Variants in FREM1 observed in about 807,000 individuals in gnomAD.
FREM1 encodes FRAS1 related extracellular matrix 1.
FREM1 carries 220 observed loss-of-function variants against 210.1 expected under a neutral mutation model. That is an observed-to-expected ratio of 1.05 (90% confidence interval 0.94 to 1.17). The LOEUF (loss-of-function observed/expected upper bound fraction) is 1.17. Ranked by LOEUF, FREM1 falls within the 50% of genes most tolerant of loss-of-function variation. The pLI is 0.00. For synonymous variants in FREM1, 1,189 were observed against 980.2 expected (o/e 1.21, Z -3.98); for missense variants, 3,454 against 2,675.5 (o/e 1.29, Z -6.42).
At chr9:14,799,237 G>A (rs1853056948) in intron 20 of FREM1, among the ~76,000 whole-genome samples, 1 of 151,540 alleles carries the variant, frequency 6.6e-6, no homozygotes, top group Non-Finnish European at 1.5e-5. Context: ...AGTGAACTGT[G>A]ATTGCACAAC....
chr9:14,765,075 T>C (rs1042378854), intron 27 of FREM1, among the ~76,000 whole-genome samples: 1 of 152,232 alleles, frequency 6.6e-6, no homozygotes, highest in South Asian at 2.1e-4. Context: ...GCTAAAATTG[T>C]GATTAAATTA....
chr9:14,789,090 A>T lies in FREM1; in HGVS notation c.4006T>A (p.Ser1336Thr). 1 of 1,598,004 alleles carries T rather than the reference A, an allele frequency of 6.3e-7. No individual in the cohort carries two copies. The highest frequency in any genetic ancestry group is 1.3e-5 in the African/African-American group (1 of 74,772). ...LKIGRDWVPL[S>T]PGMKCTQEEV... ...TCCTGAGTGCATTTCATGCCAGGGGAGAGAGGAACCCAGTCCCTCCCTATC... is the reference window on the plus strand; with the variant it reads ...TCCTGAGTGCATTTCATGCCAGGGGTGAGAGGAACCCAGTCCCTCCCTATC... The change falls in exon 23 of 37, where the codon TCC becomes ACC. Residue 1336 changes from serine (S) to threonine (T), a missense_variant. Ser to Thr is a moderately conservative substitution (Grantham distance 58, BLOSUM62 1). Coordinates refer to ENST00000380880, the MANE Select transcript of FREM1 (RefSeq NM_001379081.2).
chr9:14,793,981 G>C (rs1181067124), intron 21 of FREM1, among the ~76,000 whole-genome samples: 4 of 152,200 alleles, frequency 2.6e-5, no homozygotes. Context: ...ATGGAGATTA[G>C]TGGTCAGACA....
intron 1 of FREM1, among the ~76,000 whole-genome samples, chr9:14,891,487 G>A (rs1319004757): frequency 6.6e-6 from 1 of 152,234 alleles, no homozygotes; most frequent in African/African-American, 2.4e-5. Context: ...AGCAACTGGG[G>A]AGGCTGAGGC....
chr9:14,829,871 A>C (rs1823213715), intron 10 of FREM1, among the ~76,000 whole-genome samples: 1 of 152,116 alleles, frequency 6.6e-6, no homozygotes. Context: ...TCCAGGAGAG[A>C]GTAATATTAG....
chr9:14,774,890 C>T (rs79539704), intron 25 of FREM1, among the ~76,000 whole-genome samples: 1 of 152,138 alleles, frequency 6.6e-6, no homozygotes. Context: ...CTTGTACCCT[C>T]ATCTATAAAA....
intron 1 of FREM1, among the ~76,000 whole-genome samples, chr9:14,903,623 A>C (rs1303323006): frequency 6.6e-6 from 1 of 152,152 alleles, no homozygotes; most frequent in African/African-American, 2.4e-5. Context: ...ATTTAAACCC[A>C]TCACAGGGCA....
At chr9:14,873,372 TC>T (rs1472988854) in intron 1 of FREM1, among the ~76,000 whole-genome samples, 7 of 152,208 alleles carry the variant, frequency 4.6e-5, no homozygotes, top group Non-Finnish European at 1.0e-4. Flanking sequence ...ATTCAGAGAT[TC>T]AACTTCTTCC....
At chr9:14,762,669 CCAGG>C (rs2132317977) in intron 27 of FREM1, among the ~76,000 whole-genome samples, 1 of 151,506 alleles carries the variant, frequency 6.6e-6, no homozygotes, top group South Asian at 2.1e-4. Flanking sequence ...GAAATTTAAG[CCAGG>C]CTATATATTT....
chr9:14,906,453 C>T (rs1018735484), intron 1 of FREM1, among the ~76,000 whole-genome samples: 1 of 152,112 alleles, frequency 6.6e-6, no homozygotes, highest in African/African-American at 2.4e-5. Context: ...TAAAGTATTG[C>T]TGTTGTGTTG....
intron 30 of FREM1, among the ~76,000 whole-genome samples, chr9:14,748,875 A>C (rs1189395654): frequency 6.6e-6 from 1 of 152,202 alleles, no homozygotes; most frequent in African/African-American, 2.4e-5. Flanking sequence ...AATCAATTTC[A>C]TAAACCCCAA....
Position 14,746,345 on chromosome 9 carries a change from T to C in FREM1, c.6254+8A>G. Reference sequence around the variant, plus strand: ...AACACCAATCAAATGTGCAATAGGGTGCCTTACTGTTCCCTGCAAGCTTGG... The same window carrying C: ...AACACCAATCAAATGTGCAATAGGGCGCCTTACTGTTCCCTGCAAGCTTGG... On this transcript the variant is annotated splice_region_variant and intron_variant, in intron 35 of 36. Transcript: ENST00000380880. 6.3e-7 allele frequency: 1 copy of C among 1,588,602 alleles called. No individual in the cohort carries two copies. Among genetic ancestry groups the C allele is most frequent in the African/African-American group, 1.3e-5 (1 of 74,480 alleles).
intron 10 of FREM1, among the ~76,000 whole-genome samples, chr9:14,827,296 G>C (rs971534494): frequency 4.6e-5 from 7 of 152,186 alleles, no homozygotes; most frequent in Non-Finnish European, 1.0e-4. Context: ...TATCTTATTG[G>C]AAACTGGAAG....
rs940990728 is a variant in FREM1 at position 14,836,112 on chromosome 9, A to G, written c.1881+5335T>C. 2.0e-5 allele frequency among the ~76,000 whole-genome samples: 3 copies of G among 152,252 alleles called. No homozygotes were observed. The highest frequency in any genetic ancestry group is 7.2e-5 in the African/African-American group (3 of 41,478). On this transcript the variant is annotated intron_variant, in intron 10 of 36. Transcript: ENST00000380880. The surrounding 1 kb of genome is among the most constrained non-coding windows in gnomAD (Gnocchi z 4.9). The stretch of plus-strand genomic sequence containing the variant: ...TTTCTTTGTTTGGGAAAATAAAACC[A>G]AGGAACTTCATAGACCCCCAAAGGG...
At chr9:14,863,431 AAAG>A (rs1186946910) in intron 3 of FREM1, among the ~76,000 whole-genome samples, 2 of 152,196 alleles carry the variant, frequency 1.3e-5, no homozygotes, top group African/African-American at 4.8e-5. Flanking sequence ...TGGTAACAAA[AAAG>A]AAGAATTTCA....
intron 4 of FREM1, among the ~76,000 whole-genome samples, chr9:14,858,664 G>C (rs142030744): frequency 6.6e-6 from 1 of 152,232 alleles, no homozygotes; most frequent in South Asian, 2.1e-4. Flanking sequence ...AGAACAGGAG[G>C]TGCCCAAAAT....
intron 1 of FREM1, among the ~76,000 whole-genome samples, chr9:14,876,787 T>G (rs1483866437): frequency 6.6e-6 from 1 of 152,186 alleles, no homozygotes; most frequent in Non-Finnish European, 1.5e-5. Flanking sequence ...CGCTAGGAGC[T>G]ATAGACTGGA....
intron 10 of FREM1, among the ~76,000 whole-genome samples, chr9:14,831,427 A>C (rs1418220853): frequency 6.6e-6 from 1 of 152,216 alleles, no homozygotes; most frequent in Admixed American, 6.5e-5. Context: ...CTGTGAATGG[A>C]AAGTTTCTGC....
rs1216440019 is a variant in FREM1, at chr9:14,842,496, T to A, written c.1558A>T (p.Ser520Cys). Reference protein sequence around the residue: ...FPINVLPKDDSPPFLITNVVI... With the variant: ...FPINVLPKDDCPPFLITNVVI... The stretch of plus-strand genomic sequence containing the variant: ...ACATTGGTTATGAGGAACGGGGGAC[T>A]ATCATCTTTGGGCAAGACGTTGATG... Residue 520 changes from serine to cysteine, a missense_variant, in exon 9 of 37, where the codon AGT (serine) becomes TGT (cysteine). Coordinates refer to ENST00000380880, the MANE Select transcript of FREM1 (RefSeq NM_001379081.2). The A allele has an allele frequency of 6.2e-7, 1 of 1,614,060 alleles. No individual in the cohort carries two copies. The highest frequency in any genetic ancestry group is 1.7e-5 in the Admixed American group (1 of 60,026).
Sources: gnomAD v4.1 joint callset for allele counts (sites outside exome capture counted in the v4.1 genomes callset) on GRCh38, gnomAD v4.1.1 for gene constraint, Gnocchi (gnomAD v3.1) non-coding constraint, MANE v1.5 for transcripts, NCBI Gene and HGNC (gene_info 2026-07-23, HGNC 2026-07-21) for gene names.